Variants in KYNU observed in about 807,000 individuals in gnomAD.
The protein encoded by KYNU is kynureninase, also known as L-kynurenine hydrolase.
Under a neutral mutation model 59.2 loss-of-function variants are expected in KYNU, and 54 were observed. The observed-to-expected ratio is 0.91, with a 90% confidence interval of 0.73 to 1.14. The LOEUF is 1.14. KYNU is among the 50% of genes most tolerant of loss of function. The pLI is 0.00. For synonymous variants in KYNU, 177 were observed against 192.0 expected, an observed-to-expected ratio of 0.92 and a Z score of 0.65; for missense variants, 567 against 554.4, an observed-to-expected ratio of 1.02 and a Z score of -0.23.
At chr2:143,012,387 G>T (rs1485604786) in intron 10 of KYNU, among the ~76,000 whole-genome samples, 1 of 151,714 alleles carries the variant, frequency 6.6e-6, no homozygotes, top group Non-Finnish European at 1.5e-5. Flanking sequence ...GGAGGCTGAG[G>T]CAGGAGAATG....
rs180784867 is a variant in KYNU at position 142,931,357 on chromosome 2, T to G, written c.373+3616T>G. Among the ~76,000 whole-genome samples, 443 of 152,304 alleles carry G rather than the reference T, an allele frequency of 2.9e-3. 3 individuals are homozygous for G. The highest frequency in any genetic ancestry group is 9.9e-3 in the African/African-American group (410 of 41,558). Reference sequence around the variant, plus strand: ...TTGGAAAAACAAAACCTTAATTTTTTGGGTATTCTTGAGAGACGGGTTGGT... The same window carrying G: ...TTGGAAAAACAAAACCTTAATTTTTGGGGTATTCTTGAGAGACGGGTTGGT... On this transcript the variant is annotated intron_variant, in intron 4 of 13. Coordinates refer to ENST00000264170, the MANE Select transcript of KYNU (RefSeq NM_003937.3).
intron 10 of KYNU, among the ~76,000 whole-genome samples, chr2:142,998,289 A>G (rs1315062299): frequency 6.6e-6 from 1 of 152,218 alleles, no homozygotes; most frequent in Non-Finnish European, 1.5e-5. Context: ...AGCTACTTAT[A>G]AACTAATTCA....
In KYNU at chr2:143,015,930, A is replaced by C. The variant is rs77192388; in HGVS notation, c.903-13697A>C. Among the ~76,000 whole-genome samples the C allele has an allele frequency of 4.4e-3, 670 of 152,336 alleles. 5 individuals carry two copies. The highest frequency in any genetic ancestry group is 0.015 in the African/African-American group (641 of 41,582). ...CAGTGGCTCAAGTTCAGTTTGGAGT[A>C]ATGCCGGAGGCATGTCTTTGCCCTA... On this transcript the variant is annotated intron_variant, in intron 10 of 13. Coordinates refer to ENST00000264170, the MANE Select transcript of KYNU (RefSeq NM_003937.3).
At chr2:142,976,901 C>A (rs946347084) in intron 8 of KYNU, among the ~76,000 whole-genome samples, 90 of 152,204 alleles carry the variant, frequency 5.9e-4, no homozygotes, top group African/African-American at 2.1e-3. Context: ...GAGGGCTGGG[C>A]TTCCAGGTCA....
Position 143,047,852 on chromosome 2 carries a change from C to CTTTTTTTTTTTT in KYNU, c.*5695_*5706dup, listed in dbSNP as rs61229238. On this transcript the variant is annotated 3_prime_UTR_variant, in exon 14 of 14. Coordinates refer to ENST00000264170, the MANE Select transcript of KYNU (RefSeq NM_003937.3). ...GGCATAAGCTGCCACTCCTGGACCT[C>CTTTTTTTTTTTT]TTTTTTTTTTTTTTTTTTTTTTTTT... The CTTTTTTTTTTTT allele has an allele frequency of 1.1e-4, 11 of 100,336 alleles. 4 individuals are homozygous for CTTTTTTTTTTTT. The highest frequency in any genetic ancestry group is 1.3e-4 in the African/African-American group (3 of 23,330). 6.2% of individuals were successfully genotyped at this position (100,336 alleles called of 1,614,324 possible). A position where few individuals can be genotyped will look rare whatever the true frequency, so the allele number is the denominator to read the frequency against.
chr2:143,034,267 T>C (rs1444256788), intron 12 of KYNU, among the ~76,000 whole-genome samples: 1 of 152,092 alleles, frequency 6.6e-6, no homozygotes, highest in Admixed American at 6.6e-5. Flanking sequence ...AAGTTTTACA[T>C]AGAACTATTC....
chr2:143,013,252 TTC>T (rs1169549563), intron 10 of KYNU, among the ~76,000 whole-genome samples: 7 of 151,474 alleles, frequency 4.6e-5, no homozygotes, highest in African/African-American at 7.3e-5. Flanking sequence ...TAAATAATAT[TTC>T]TCTCTCTCTC....
intron 4 of KYNU, among the ~76,000 whole-genome samples, chr2:142,932,801 C>A (rs1003052232): frequency 6.6e-6 from 1 of 151,962 alleles, no homozygotes. Flanking sequence ...AGCATGCCGG[C>A]GTCCTTGCTG....
At chr2:142,982,179 C>T (rs1482600762) in intron 8 of KYNU, among the ~76,000 whole-genome samples, 2 of 152,018 alleles carry the variant, frequency 1.3e-5, no homozygotes, top group Non-Finnish European at 2.9e-5. Context: ...TAGTTTGGAG[C>T]AGGTATGTGC....
Position 143,042,854 on chromosome 2 carries a change from T to TA in KYNU, c.*683dup, listed in dbSNP as rs1342140795. ...TTTCAATTTTCGATCAATAGTTTCT[T>TA]ACAGTCACCATTGGCCATCTTTCTC... On this transcript the variant is annotated 3_prime_UTR_variant, in exon 14 of 14. Transcript: ENST00000264170. The TA allele has an allele frequency of 6.6e-6, 1 of 151,716 alleles. No individual in the cohort carries two copies. The highest frequency in any genetic ancestry group is 2.4e-5 in the African/African-American group (1 of 41,340). The allele number at this position is 151,716 out of a possible 1,614,324, so 9.4% of individuals were successfully genotyped here.
At chr2:142,921,638 A>G (rs1033137561) in intron 3 of KYNU, among the ~76,000 whole-genome samples, 1 of 151,896 alleles carries the variant, frequency 6.6e-6, no homozygotes, top group Non-Finnish European at 1.5e-5. Context: ...TGAGATCTCA[A>G]CTCTACAAAA....
chr2:142,916,633 C>T (rs1682676756), intron 2 of KYNU, among the ~76,000 whole-genome samples: 1 of 152,148 alleles, frequency 6.6e-6, no homozygotes, highest in South Asian at 2.1e-4. Flanking sequence ...AGTGTTTACT[C>T]AGAGTAGATC....
intron 10 of KYNU, among the ~76,000 whole-genome samples, chr2:143,024,629 T>C (rs983452635): frequency 1.8e-4 from 28 of 152,096 alleles, no homozygotes; most frequent in African/African-American, 6.5e-4. Flanking sequence ...CATTTCTTTC[T>C]TTATTCTGAC....
In KYNU at chr2:143,049,649, TA is replaced by T. The variant is rs1240366533; in HGVS notation, c.*7481del. The T allele has an allele frequency of 3.3e-5, 5 of 152,180 alleles. No homozygotes were observed. The highest frequency in any genetic ancestry group is 7.3e-5 in the Non-Finnish European group (5 of 68,044). The allele number at this position is 152,180 out of a possible 1,614,324, so 9.4% of individuals were successfully genotyped here. A position where few individuals can be genotyped will look rare whatever the true frequency, so the allele number is the denominator to read the frequency against. ...GTTTCCCTGATGAGCACTCCTTCAATAAAACATAGTCATCCAAATCCCAATC... is the reference window on the plus strand; with the variant it reads ...GTTTCCCTGATGAGCACTCCTTCAATAAACATAGTCATCCAAATCCCAATC... On this transcript the variant is annotated 3_prime_UTR_variant, in exon 14 of 14. Transcript: ENST00000264170.
intron 4 of KYNU, among the ~76,000 whole-genome samples, chr2:142,939,078 G>A (rs1683490567): frequency 6.6e-6 from 1 of 152,100 alleles, no homozygotes; most frequent in Non-Finnish European, 1.5e-5. Flanking sequence ...AGCTCAGGAG[G>A]TGGAGGCTGC....
chr2:142,982,383 T>C (rs1252963073), intron 8 of KYNU, among the ~76,000 whole-genome samples: 1 of 152,126 alleles, frequency 6.6e-6, no homozygotes, highest in African/African-American at 2.4e-5. Context: ...CATTTTGATA[T>C]GCAGTAAGTT....
intron 2 of KYNU, among the ~76,000 whole-genome samples, chr2:142,895,392 C>A (rs929076584): frequency 6.6e-6 from 1 of 152,126 alleles, no homozygotes; most frequent in Non-Finnish European, 1.5e-5. Context: ...TGTATTTAGT[C>A]TTTGGAGACT....
intron 10 of KYNU, among the ~76,000 whole-genome samples, chr2:143,003,168 TTTTG>T (rs1685760524): frequency 6.6e-6 from 1 of 152,208 alleles, no homozygotes; most frequent in African/African-American, 2.4e-5. Flanking sequence ...TCTAAGATGA[TTTTG>T]TTTTTCTACA....
chr2:143,030,209 C>A (rs1686700616), intron 11 of KYNU, among the ~76,000 whole-genome samples: 1 of 152,176 alleles, frequency 6.6e-6, no homozygotes, highest in African/African-American at 2.4e-5. Flanking sequence ...TTAATAAATA[C>A]TCATTTTCAC....
Sources: gnomAD v4.1 joint callset for allele counts (sites outside exome capture counted in the v4.1 genomes callset) on GRCh38, gnomAD v4.1.1 for gene constraint, MANE v1.5 for transcripts, NCBI Gene and HGNC (gene_info 2026-07-23, HGNC 2026-07-21) for gene names.